Variants in MCC observed in about 807,000 individuals in gnomAD.
The protein encoded by MCC is MCC regulator of Wnt signaling pathway.
In MCC, 90 loss-of-function variants were observed where a neutral mutation model predicts 116.2. The observed-to-expected ratio is 0.77, with a 90% confidence interval of 0.65 to 0.92. The LOEUF (loss-of-function observed/expected upper bound fraction) is 0.92, where lower values mean the gene tolerates loss of function less well. Ranked by LOEUF, MCC falls within the 40% of genes least tolerant of loss-of-function variation. The probability of loss-of-function intolerance (pLI) is 0.00; values close to 1 mark genes in which losing one functional copy is unlikely to be tolerated. For synonymous variants in MCC, 578 were observed against 510.5 expected, an observed-to-expected ratio of 1.13 and a Z score of -1.78; for missense variants, 1,516 against 1,312.2, an observed-to-expected ratio of 1.16 and a Z score of -2.40.
chr5:113,210,462 T>C (rs549431563), intron 3 of MCC, among the ~76,000 whole-genome samples: 2 of 152,232 alleles, frequency 1.3e-5, no homozygotes, highest in Admixed American at 6.5e-5. Context: ...CCATAATCAA[T>C]ATGGGACAGC....
At chr5:113,196,891 G>T (rs1468501892) in intron 3 of MCC, among the ~76,000 whole-genome samples, 2 of 152,156 alleles carry the variant, frequency 1.3e-5, no homozygotes, top group African/African-American at 2.4e-5. Context: ...GCAGGTTCTG[G>T]CTGAGTTTGG....
intron 11 of MCC, among the ~76,000 whole-genome samples, chr5:113,081,760 T>G (rs906245975): frequency 1.0e-5 from 1 of 99,312 alleles, no homozygotes; most frequent in Non-Finnish European, 2.1e-5. Context: ...AATTTCAAGA[T>G]TTAAAATGAC....
At chr5:113,426,605 T>C (rs1770492248) in intron 1 of MCC, among the ~76,000 whole-genome samples, 1 of 152,204 alleles carries the variant, frequency 6.6e-6, no homozygotes, top group African/African-American at 2.4e-5. Context: ...TAGAATCATC[T>C]TGTGACCCTG....
intron 1 of MCC, among the ~76,000 whole-genome samples, chr5:113,445,751 C>A (rs1417731176): frequency 6.6e-6 from 1 of 152,038 alleles, no homozygotes; most frequent in African/African-American, 2.4e-5. Flanking sequence ...AAAAACTATT[C>A]TAATACTCAT....
chr5:113,163,322 T>A (rs1196894578), intron 3 of MCC, among the ~76,000 whole-genome samples: 1 of 152,200 alleles, frequency 6.6e-6, no homozygotes, highest in African/African-American at 2.4e-5. Flanking sequence ...AGTTTTTGAA[T>A]AAATTGTGTG....
intron 3 of MCC, among the ~76,000 whole-genome samples, chr5:113,186,522 C>A (rs996351102): frequency 3.9e-5 from 6 of 152,150 alleles, no homozygotes; most frequent in African/African-American, 1.4e-4. Flanking sequence ...CAAATCAAAC[C>A]TCCTAGTCTA....
At chr5:113,087,707 G>T (rs1007384847) in intron 8 of MCC, among the ~76,000 whole-genome samples, 1 of 151,338 alleles carries the variant, frequency 6.6e-6, no homozygotes, top group African/African-American at 2.4e-5. Flanking sequence ...AACCTAAATG[G>T]TGTCTGAATT....
At chr5:113,339,875 A>G (rs1374896722) in intron 3 of MCC, among the ~76,000 whole-genome samples, 1 of 152,212 alleles carries the variant, frequency 6.6e-6, no homozygotes, top group Non-Finnish European at 1.5e-5. Context: ...GACCTTTCCC[A>G]CAGTGGCTGC....
intron 3 of MCC, among the ~76,000 whole-genome samples, chr5:113,216,609 T>G (rs183494459): frequency 6.6e-6 from 1 of 152,338 alleles, no homozygotes; most frequent in Non-Finnish European, 1.5e-5. Flanking sequence ...TACAAGGTAT[T>G]TTTAAAATAA....
intron 3 of MCC, among the ~76,000 whole-genome samples, chr5:113,213,810 T>A (rs1323629846): frequency 6.6e-6 from 1 of 152,210 alleles, no homozygotes; most frequent in Non-Finnish European, 1.5e-5. Flanking sequence ...GTTGCCTCTG[T>A]CACTCAGAAT....
intron 2 of MCC, among the ~76,000 whole-genome samples, chr5:113,372,461 T>C (rs1327515017): frequency 5.3e-5 from 8 of 152,194 alleles, no homozygotes; most frequent in African/African-American, 9.6e-5. Context: ...TCAGAAATAT[T>C]TGTGAATCCA....
At chr5:113,192,996 T>C (rs1261611595) in intron 3 of MCC, among the ~76,000 whole-genome samples, 1 of 152,200 alleles carries the variant, frequency 6.6e-6, no homozygotes, top group Middle Eastern at 3.2e-3. Context: ...CAAGGTGTTA[T>C]CAGGGCCAGG....
chr5:113,252,733 G>C (rs6859436), intron 3 of MCC, among the ~76,000 whole-genome samples: 4,416 of 152,256 alleles, frequency 0.029, 166 homozygotes, highest in African/African-American at 0.086. Context: ...GGTGCCAAAA[G>C]ATTAGGGACT....
chr5:113,030,277 C>G (rs569522150), intron 17 of MCC, among the ~76,000 whole-genome samples: 3 of 152,292 alleles, frequency 2.0e-5, no homozygotes, highest in Admixed American at 2.0e-4. Context: ...TTTGGATTCA[C>G]TTAGGCATTG....
chr5:113,451,203 A>G (rs1424423077), intron 1 of MCC, among the ~76,000 whole-genome samples: 1 of 151,834 alleles, frequency 6.6e-6, no homozygotes, highest in Non-Finnish European at 1.5e-5. Context: ...ACTTCTTCAC[A>G]CTCCTGAGAT....
chr5:113,413,043 C>T (rs542764149), intron 1 of MCC, among the ~76,000 whole-genome samples: 4 of 152,216 alleles, frequency 2.6e-5, no homozygotes, highest in South Asian at 2.1e-4. Flanking sequence ...TGGTTTTTGT[C>T]GTTGGTTCTG....
intron 1 of MCC, among the ~76,000 whole-genome samples, chr5:113,483,303 A>G (rs1772427050): frequency 2.0e-5 from 3 of 152,180 alleles, no homozygotes; most frequent in Admixed American, 1.3e-4. Flanking sequence ...TTTCTGCAAA[A>G]AACAGCAGCT....
Position 113,027,249 on chromosome 5 carries a change from T to G in MCC, c.*53A>C, listed in dbSNP as rs771670008. ...AGTACATGGGCCCTTCTGTCCCCAG[T>G]GGCCTGCTGCAGTTTACTTCCCATG... On this transcript the variant is annotated 3_prime_UTR_variant, in exon 19 of 19. Transcript: ENST00000408903. 62 of 1,584,654 alleles carry G rather than the reference T, an allele frequency of 3.9e-5. No homozygotes were observed. Among genetic ancestry groups the G allele is most frequent in the Non-Finnish European group, 5.3e-5 (61 of 1,160,538 alleles).
In MCC at chr5:113,025,372, A is replaced by G. The variant is rs1212771324; in HGVS notation, c.*1930T>C. 1 of 152,174 alleles carries G rather than the reference A, an allele frequency of 6.6e-6. No homozygotes were observed. The highest frequency in any genetic ancestry group is 1.5e-5 in the Non-Finnish European group (1 of 68,002). 9.4% of individuals were successfully genotyped at this position (152,174 alleles called of 1,614,324 possible). A position where few individuals can be genotyped will look rare whatever the true frequency, so the allele number is the denominator to read the frequency against. ...GCCAGGCACATTGGCTCATGCCTGT[A>G]ATCCCAGCACTTTGGGAGGCCGAGG... On this transcript the variant is annotated 3_prime_UTR_variant, in exon 19 of 19. Coordinates refer to ENST00000408903, the MANE Select transcript of MCC (RefSeq NM_001085377.2).
Sources: gnomAD v4.1 joint callset for allele counts (sites outside exome capture counted in the v4.1 genomes callset) on GRCh38, gnomAD v4.1.1 for gene constraint, MANE v1.5 for transcripts, NCBI Gene and HGNC (gene_info 2026-07-23, HGNC 2026-07-21) for gene names.